The following NPR3 variants were observed in gnomAD, a reference collection of about 807,000 sequenced individuals.
NPR3 encodes natriuretic peptide receptor 3, also known as atrial natriuretic peptide receptor 3.
A neutral mutation model predicts 54.5 loss-of-function variants in NPR3; 34 were observed. The observed-to-expected ratio is 0.62, with a 90% CI of 0.47 to 0.83. The LOEUF is 0.83. Ranked by LOEUF, NPR3 falls within the 40% of genes least tolerant of loss-of-function variation. The pLI is 0.00. For synonymous variants in NPR3, 289 were observed against 297.1 expected, an observed-to-expected ratio of 0.97 and a Z score of 0.28; for missense variants, 674 against 720.8, an observed-to-expected ratio of 0.94 and a Z score of 0.74.
chr5:32,773,894 T>A (rs972751387), intron 3 of NPR3, among the ~76,000 whole-genome samples: 7 of 152,210 alleles, frequency 4.6e-5, no homozygotes, highest in African/African-American at 1.7e-4. Context: ...ATGGTCAATA[T>A]ACAGATGAAA....
chr5:32,714,751 A>G (rs1351866973), intron 1 of NPR3, among the ~76,000 whole-genome samples: 1 of 152,192 alleles, frequency 6.6e-6, no homozygotes, highest in Non-Finnish European at 1.5e-5. Flanking sequence ...CTTGATAACA[A>G]AGCTCTCTTA....
intron 3 of NPR3, among the ~76,000 whole-genome samples, chr5:32,756,386 C>T (rs1402083337): frequency 6.6e-6 from 1 of 152,212 alleles, no homozygotes; most frequent in Non-Finnish European, 1.5e-5. Flanking sequence ...TGTCTGTTGA[C>T]TGCATAAATG....
chr5:32,739,353 G>A (rs747842818), intron 3 of NPR3, among the ~76,000 whole-genome samples: 13 of 152,018 alleles, frequency 8.6e-5, no homozygotes, highest in African/African-American at 1.2e-4. Context: ...CTTCCATCAC[G>A]TATTTGACTA....
intron 3 of NPR3, among the ~76,000 whole-genome samples, chr5:32,774,481 C>T (rs1467657968): frequency 6.6e-6 from 1 of 152,164 alleles, no homozygotes; most frequent in Non-Finnish European, 1.5e-5. Flanking sequence ...GTACAGTTTT[C>T]TTGACTTCTG....
At chr5:32,737,511 T>C (rs1349328008) in intron 2 of NPR3, among the ~76,000 whole-genome samples, 1 of 152,084 alleles carries the variant, frequency 6.6e-6, no homozygotes, top group Non-Finnish European at 1.5e-5. Flanking sequence ...TGCTTAGCTG[T>C]TGGGTTCAAG....
chr5:32,737,338 A>G (rs1739803229), intron 2 of NPR3, among the ~76,000 whole-genome samples: 1 of 152,178 alleles, frequency 6.6e-6, no homozygotes, highest in Non-Finnish European at 1.5e-5. Context: ...TGTATTTACA[A>G]TGCTCACCCT....
chr5:32,705,561 G>A (rs1737964275), upstream of NPR3, among the ~76,000 whole-genome samples: 1 of 152,114 alleles, frequency 6.6e-6, no homozygotes, highest in African/African-American at 2.4e-5. Context: ...GAAGAGGGAT[G>A]GGGAGGGGGA....
chr5:32,693,120 CAA>C (rs138049716), intron 1 of NPR3, among the ~76,000 whole-genome samples: 2 of 139,428 alleles, frequency 1.4e-5, no homozygotes, highest in African/African-American at 2.7e-5. Flanking sequence ...GACCCTGTCT[CAA>C]AAAAAAAAAG....
At chr5:32,747,844 C>T (rs1740382599) in intron 3 of NPR3, among the ~76,000 whole-genome samples, 1 of 151,754 alleles carries the variant, frequency 6.6e-6, no homozygotes, top group African/African-American at 2.4e-5. Flanking sequence ...CAACCTCCAC[C>T]TCCTGTGCTT....
intron 2 of NPR3, among the ~76,000 whole-genome samples, chr5:32,734,532 C>G (rs1271873887): frequency 6.6e-6 from 1 of 152,150 alleles, no homozygotes; most frequent in African/African-American, 2.4e-5. Flanking sequence ...CCAGTGCAAG[C>G]TTGGGTGTTC....
chr5:32,716,670 C>A (rs1738569472), intron 1 of NPR3: 2 of 171,554 alleles, frequency 1.2e-5, no homozygotes, highest in South Asian at 2.7e-4. Context: ...TAAATATTAT[C>A]ATTACTTTCT....
At chr5:32,781,160 G>A (rs1451899482) in intron 5 of NPR3, among the ~76,000 whole-genome samples, 1 of 152,114 alleles carries the variant, frequency 6.6e-6, no homozygotes, top group Non-Finnish European at 1.5e-5. Flanking sequence ...AACTCAATGT[G>A]TGTTAACATT....
At chr5:32,719,790 T>G (rs1056243507) in intron 1 of NPR3, among the ~76,000 whole-genome samples, 2,816 of 149,734 alleles carry the variant, frequency 0.019, 55 homozygotes, top group Non-Finnish European at 0.026. Context: ...TTGTTGTTGT[T>G]TTTTTTTTTT....
chr5:32,695,556 C>T (rs59636249), intron 1 of NPR3, among the ~76,000 whole-genome samples: 1,776 of 152,354 alleles, frequency 0.012, 33 homozygotes, highest in African/African-American at 0.041. Context: ...GCGTAAGCCA[C>T]CACGCCTGGC....
intron 2 of NPR3, among the ~76,000 whole-genome samples, chr5:32,725,166 C>G (rs1739077274): frequency 6.6e-6 from 1 of 152,172 alleles, no homozygotes; most frequent in Non-Finnish European, 1.5e-5. Flanking sequence ...GTACTACGTT[C>G]ACCACCTGGG....
chr5:32,778,091 C>T (rs1003086477), intron 4 of NPR3, among the ~76,000 whole-genome samples: 3 of 152,056 alleles, frequency 2.0e-5, no homozygotes, highest in African/African-American at 7.2e-5. Context: ...CCAATGATGG[C>T]TGGAATGTAT....
At position 32,789,103 on chromosome 5, in the gene NPR3, T is replaced by C. The variant is rs1742775579; in HGVS notation, c.*2758T>C. On this transcript the variant is annotated 3_prime_UTR_variant, in exon 8 of 8. Coordinates refer to ENST00000265074, the MANE Select transcript of NPR3 (RefSeq NM_001204375.2). ...AATAAATAGGGCTTTAGTTCTTAAG[T>C]AATTCTATAGGATTTTACCCTGAAA... is the stretch of plus-strand genomic sequence containing the variant. The C allele has an allele frequency of 5.4e-6, 1 of 185,516 alleles. No individual in the cohort carries two copies. Among genetic ancestry groups the C allele is most frequent in the Non-Finnish European group, 1.1e-5 (1 of 87,604 alleles). The allele number at this position is 185,516 out of a possible 1,614,324, so 11.5% of individuals were successfully genotyped here.
At chr5:32,744,597 G>A (rs72742723) in intron 3 of NPR3, among the ~76,000 whole-genome samples, 2,739 of 152,240 alleles carry the variant, frequency 0.018, 31 homozygotes, top group Admixed American at 0.029. Context: ...ATGAATACTT[G>A]GTAAGCATTC....
intron 2 of NPR3, among the ~76,000 whole-genome samples, chr5:32,736,250 A>AAAAAAAAAAAAG (rs1561096979): frequency 3.9e-5 from 5 of 128,566 alleles, no homozygotes; most frequent in Admixed American, 7.6e-5. Flanking sequence ...AAAAAAAAAG[A>AAAAAAAAAAAAG]AAAAAAAAAG....
Sources: gnomAD v4.1 joint callset for allele counts (sites outside exome capture counted in the v4.1 genomes callset) on GRCh38, gnomAD v4.1.1 for gene constraint, MANE v1.5 for transcripts, NCBI Gene and HGNC (gene_info 2026-07-23, HGNC 2026-07-21) for gene names.